CRISP1: variants seen among roughly 807,000 people sequenced by gnomAD.
The protein encoded by CRISP1 is cysteine rich secretory protein 1, also known as cysteine-rich secretory protein 1.
In CRISP1, 44 loss-of-function variants were observed where a neutral mutation model predicts 33.1. The observed-to-expected ratio is 1.33, with a 90% CI of 1.05 to 1.71. CRISP1 has a LOEUF of 1.71. CRISP1 is among the 40% of genes most tolerant of loss of function. The pLI is 0.00. For missense variants in CRISP1, 390 were observed against 301.2 expected, an observed-to-expected ratio of 1.29 and a Z score of -2.18; for synonymous variants, 103 against 98.7, an observed-to-expected ratio of 1.04 and a Z score of -0.26.
chr6:49,851,099 T>C (rs1239762263), intron 3 of CRISP1, among the ~76,000 whole-genome samples: 2 of 152,224 alleles, frequency 1.3e-5, no homozygotes, highest in Non-Finnish European at 2.9e-5. Context: ...GGAATGCCTA[T>C]GAAAGCTATT....
intron 2 of CRISP1, among the ~76,000 whole-genome samples, chr6:49,852,346 A>T (rs1350853610): frequency 6.6e-5 from 10 of 152,172 alleles, no homozygotes; most frequent in Non-Finnish European, 1.5e-4. Context: ...TAGTCTTCAG[A>T]ATAATGCACT....
chr6:49,873,396 T>G (rs1317936372), intron 1 of CRISP1, among the ~76,000 whole-genome samples: 1 of 152,208 alleles, frequency 6.6e-6, no homozygotes, highest in Non-Finnish European at 1.5e-5. Context: ...GATTAAATAT[T>G]ATGAATCAAT....
At chr6:49,853,825 C>T (rs1261409577) in intron 2 of CRISP1, among the ~76,000 whole-genome samples, 1 of 152,074 alleles carries the variant, frequency 6.6e-6, no homozygotes, top group Non-Finnish European at 1.5e-5. Context: ...CTAAAACATC[C>T]CAACTTCGGA....
intron 3 of CRISP1, among the ~76,000 whole-genome samples, chr6:49,849,663 A>G (rs1298150416): frequency 6.6e-6 from 1 of 152,128 alleles, no homozygotes; most frequent in Non-Finnish European, 1.5e-5. Context: ...TTTTATGTAA[A>G]TCATTCAGCT....
intron 3 of CRISP1, among the ~76,000 whole-genome samples, chr6:49,850,783 G>A (rs577957888): frequency 1.5e-4 from 23 of 151,994 alleles, no homozygotes; most frequent in Admixed American, 7.9e-4. Context: ...ATCTGAAATC[G>A]GAGGCTATAT....
At chr6:49,873,748 G>A (rs554345705) in intron 1 of CRISP1, among the ~76,000 whole-genome samples, 2 of 151,012 alleles carry the variant, frequency 1.3e-5, no homozygotes, top group East Asian at 3.9e-4. Flanking sequence ...ATTAGCAATA[G>A]TAGATAAAAT....
intron 1 of CRISP1, among the ~76,000 whole-genome samples, 159 bp downstream of exon 1, chr6:49,866,270 A>G (rs1771796261): frequency 6.6e-6 from 1 of 152,192 alleles, no homozygotes; most frequent in South Asian, 2.1e-4. Context: ...CACCTTTATT[A>G]AAAGCATGGA....
chr6:49,854,480 G>A (rs1561945869), intron 2 of CRISP1, among the ~76,000 whole-genome samples: 1 of 152,094 alleles, frequency 6.6e-6, no homozygotes, highest in Non-Finnish European at 1.5e-5. Context: ...CGATTCTCCT[G>A]CCTCAGCCCC....
rs563178046 is a variant in CRISP1 at position 49,834,640 on chromosome 6, C to T, written c.*676G>A. 6.6e-6 allele frequency: 1 copy of T among 152,094 alleles called. No individual in the cohort carries two copies. Among genetic ancestry groups the T allele is most frequent in the Admixed American group, 6.6e-5 (1 of 15,252 alleles). The allele number at this position is 152,094 out of a possible 1,614,324, so 9.4% of individuals were successfully genotyped here. On this transcript the variant is annotated 3_prime_UTR_variant, in exon 8 of 8. Transcript: ENST00000335847. ...CTATTTTATATATCTTTTATACTGCCTTTGCAATGAAATGAAACTATATTC... is the reference window on the plus strand; with the variant it reads ...CTATTTTATATATCTTTTATACTGCTTTTGCAATGAAATGAAACTATATTC...
intron 1 of CRISP1, among the ~76,000 whole-genome samples, chr6:49,874,127 G>T (rs533945377): frequency 6.6e-6 from 1 of 151,930 alleles, no homozygotes; most frequent in Non-Finnish European, 1.5e-5. Context: ...CAAATGAGGA[G>T]GGAGACATTT....
chr6:49,846,625 T>C lies in CRISP1; in HGVS notation c.330A>G (p.Val110=), dbSNP rs551796995. The C allele has an allele frequency of 1.9e-6, 3 of 1,613,570 alleles. No homozygotes were observed. Among genetic ancestry groups the C allele is most frequent in the African/African-American group, 1.3e-5 (1 of 75,018 alleles). ...AGACTCCAATTACACTTGACCATGA[T>C]ACAGGATAAGATGTCATATGCATAT... ...GENMHMTSYP[V]SWSSVIGVWY... is the part of the protein sequence containing the mutation. Residue 110 remains valine, a synonymous_variant, in exon 5 of 8, where the codon GTA becomes GTG. Coordinates refer to ENST00000335847, the MANE Select transcript of CRISP1 (RefSeq NM_001131.3).
upstream of CRISP1, among the ~76,000 whole-genome samples, chr6:49,870,541 A>T (rs1561952228): frequency 1.3e-5 from 2 of 152,188 alleles, no homozygotes; most frequent in Non-Finnish European, 2.9e-5. Context: ...GTTGGGAAGT[A>T]AGTAAATACA....
intron 1 of CRISP1, among the ~76,000 whole-genome samples, chr6:49,874,953 A>T (rs947332932): frequency 6.6e-6 from 1 of 152,118 alleles, no homozygotes; most frequent in Non-Finnish European, 1.5e-5. Flanking sequence ...AGCAAACATA[A>T]TAACAAATGG....
Position 49,840,969 on chromosome 6 carries a change from A to T in CRISP1, c.462T>A (p.Ile154=). 1 of 1,613,996 alleles carries T rather than the reference A, an allele frequency of 6.2e-7. No individual in the cohort carries two copies. Among genetic ancestry groups the T allele is most frequent in the African/African-American group, 1.3e-5 (1 of 75,060 alleles). The change falls in exon 6 of 8, where the codon ATT becomes ATA. Residue 154 remains isoleucine (I), a synonymous_variant. Transcript: ENST00000335847. ...GGCGGCAAGATGCAATGGCACAGCC[A>T]ATCAGGTAAGATGTGGCCCAAACAA... is the stretch of plus-strand genomic sequence containing the variant. The part of the protein sequence containing the change: ...TQIVWATSYL[I]GCAIASCRQQ...
At chr6:49,860,546 T>C (rs960434169) in intron 1 of CRISP1, among the ~76,000 whole-genome samples, 5 of 151,754 alleles carry the variant, frequency 3.3e-5, no homozygotes, top group Admixed American at 3.3e-4. Flanking sequence ...AATTAAGGAG[T>C]AAATCAAACA....
At chr6:49,868,853 C>T (rs1582287514), upstream of CRISP1, among the ~76,000 whole-genome samples, 1 of 152,098 alleles carries the variant, frequency 6.6e-6, no homozygotes, top group Non-Finnish European at 1.5e-5. Flanking sequence ...GTACTCTAGA[C>T]TTTAACAAAT....
chr6:49,861,624 C>T (rs1394307606), intron 1 of CRISP1, among the ~76,000 whole-genome samples: 14 of 152,166 alleles, frequency 9.2e-5, no homozygotes, highest in Non-Finnish European at 1.9e-4. Flanking sequence ...TAACTCACGC[C>T]TGTAGTTCCA....
chr6:49,858,196 G>C lies in CRISP1; in HGVS notation c.-2-794C>G, dbSNP rs111257820. 6.6e-3 allele frequency among the ~76,000 whole-genome samples: 1,012 copies of C among 152,240 alleles called. 6 individuals carry two copies. The highest frequency in any genetic ancestry group is 0.022 in the African/African-American group (925 of 41,558). On this transcript the variant is annotated intron_variant, in intron 1 of 7. Transcript: ENST00000335847. ...AATATCTGATCACTTTGCTAAGCAT[G>C]GTTGTCATTATGAGTCAGACAAATC... is the stretch of plus-strand genomic sequence containing the variant.
chr6:49,868,725 C>A (rs1374277184), upstream of CRISP1, among the ~76,000 whole-genome samples: 3 of 152,118 alleles, frequency 2.0e-5, no homozygotes, highest in East Asian at 5.8e-4. Flanking sequence ...CTACAACAAT[C>A]CCATTTGTGT....
Sources: gnomAD v4.1 joint callset for allele counts (sites outside exome capture counted in the v4.1 genomes callset) on GRCh38, gnomAD v4.1.1 for gene constraint, MANE v1.5 for transcripts, NCBI Gene and HGNC (gene_info 2026-07-23, HGNC 2026-07-21) for gene names.